Variants in TAFA4 observed in about 807,000 individuals in gnomAD.
The protein encoded by TAFA4 is TAFA chemokine like family member 4, also known as chemokine-like protein TAFA-4.
A neutral mutation model predicts 21.1 loss-of-function variants in TAFA4; 20 were observed. The ratio of observed to expected loss-of-function variants is 0.95; its 90% confidence interval spans 0.67 to 1.38. The LOEUF (loss-of-function observed/expected upper bound fraction) is 1.38, where lower values mean the gene tolerates loss of function less well. Ranked by LOEUF, TAFA4 falls within the 40% of genes most tolerant of loss-of-function variation. The pLI is 0.00. For missense variants in TAFA4, 211 were observed against 180.9 expected (o/e 1.17, Z -0.95); for synonymous variants, 71 against 67.4 (o/e 1.05, Z -0.26).
chr3:68,792,138 T>C (rs1322785706), intron 3 of TAFA4, among the ~76,000 whole-genome samples: 3 of 152,210 alleles, frequency 2.0e-5, no homozygotes, highest in Admixed American at 2.0e-4. Context: ...CTTTGCAAGC[T>C]CATTTCACTC....
chr3:68,860,516 G>A (rs2089322973), intron 3 of TAFA4, among the ~76,000 whole-genome samples: 1 of 152,110 alleles, frequency 6.6e-6, no homozygotes. Context: ...AACTATCTAA[G>A]TAGGATGTTG....
intron 3 of TAFA4, among the ~76,000 whole-genome samples, chr3:68,804,927 G>A (rs1703660686): frequency 6.6e-6 from 1 of 152,072 alleles, no homozygotes; most frequent in Admixed American, 6.5e-5. Flanking sequence ...CAAAAGCAAT[G>A]GCAACAAAAG....
At chr3:68,813,682 C>T (rs1703894333) in intron 3 of TAFA4, among the ~76,000 whole-genome samples, 1 of 152,034 alleles carries the variant, frequency 6.6e-6, no homozygotes, top group Non-Finnish European at 1.5e-5. Context: ...TAATAGCTTA[C>T]CAACCAAAAA....
At chr3:68,910,139 G>A (rs144611955) in intron 1 of TAFA4, among the ~76,000 whole-genome samples, 1 of 152,324 alleles carries the variant, frequency 6.6e-6, no homozygotes, top group African/African-American at 2.4e-5. Context: ...CAGCTAGCAA[G>A]GCAGAGTTTT....
chr3:68,817,404 G>T (rs1335403005), intron 3 of TAFA4, among the ~76,000 whole-genome samples: 1 of 152,034 alleles, frequency 6.6e-6, no homozygotes, highest in Non-Finnish European at 1.5e-5. Flanking sequence ...AGTCATCCAT[G>T]AGAGCTGGAA....
At chr3:68,879,573 T>C (rs942470592) in intron 3 of TAFA4, among the ~76,000 whole-genome samples, 9 of 152,202 alleles carry the variant, frequency 5.9e-5, no homozygotes, top group Non-Finnish European at 1.3e-4. Flanking sequence ...ACCAACTAGC[T>C]GTGGGCACTT....
intron 2 of TAFA4, among the ~76,000 whole-genome samples, chr3:68,881,765 A>G (rs2089621197): frequency 6.6e-6 from 1 of 152,194 alleles, no homozygotes; most frequent in South Asian, 2.1e-4. Context: ...TGGGCCGACA[A>G]TAAAAACATG....
chr3:68,771,396 G>C (rs1235868062), intron 3 of TAFA4, among the ~76,000 whole-genome samples: 1 of 152,190 alleles, frequency 6.6e-6, no homozygotes, highest in South Asian at 2.1e-4. Flanking sequence ...CCATGGGACT[G>C]GAGCCCAAAA....
intron 3 of TAFA4, among the ~76,000 whole-genome samples, chr3:68,843,643 G>T (rs1341895216): frequency 1.3e-5 from 2 of 152,222 alleles, no homozygotes; most frequent in African/African-American, 2.4e-5. Context: ...GCATGATATT[G>T]GCTGTGGGTC....
At chr3:68,866,610 G>C (rs1416152446) in intron 3 of TAFA4, among the ~76,000 whole-genome samples, 1 of 125,940 alleles carries the variant, frequency 7.9e-6, no homozygotes, top group East Asian at 2.8e-4. Context: ...ATGAGATGGT[G>C]ATGTGTGAGC....
At chr3:68,807,705 T>C (rs745447713) in intron 3 of TAFA4, among the ~76,000 whole-genome samples, 6 of 152,228 alleles carry the variant, frequency 3.9e-5, no homozygotes, top group Non-Finnish European at 7.3e-5. Flanking sequence ...AGTGCCATTA[T>C]GTCAATCCAG....
At chr3:68,895,873 G>A (rs763596827) in intron 1 of TAFA4, among the ~76,000 whole-genome samples, 7 of 152,190 alleles carry the variant, frequency 4.6e-5, no homozygotes, top group Non-Finnish European at 8.8e-5. Flanking sequence ...GAAAACAAAA[G>A]TGAACAATGT....
At chr3:68,746,264 T>G (rs1338345644) in intron 4 of TAFA4, among the ~76,000 whole-genome samples, 2 of 152,152 alleles carry the variant, frequency 1.3e-5, no homozygotes, top group African/African-American at 4.8e-5. Flanking sequence ...AGACAGCCAC[T>G]TGTGGGAATT....
chr3:68,753,026 G>T lies in TAFA4; in HGVS notation c.131-8C>A. 6.2e-7 allele frequency: 1 copy of T among 1,610,688 alleles called. No individual in the cohort carries two copies. Among genetic ancestry groups the T allele is most frequent in the Non-Finnish European group, 8.5e-7 (1 of 1,177,548 alleles). On this transcript the variant is annotated splice_polypyrimidine_tract_variant and splice_region_variant and intron_variant, in intron 3 of 5. Coordinates refer to ENST00000295569, the MANE Select transcript of TAFA4 (RefSeq NM_182522.5). ...GCTTGATTTGGTGGTGACCTAGTTGGTAATGGGGGAGAAAAACAAACCCAG... is the reference window on the plus strand; with the variant it reads ...GCTTGATTTGGTGGTGACCTAGTTGTTAATGGGGGAGAAAAACAAACCCAG...
intron 1 of TAFA4, among the ~76,000 whole-genome samples, chr3:68,923,639 T>C (rs1407276545): frequency 6.6e-6 from 1 of 152,102 alleles, no homozygotes; most frequent in Non-Finnish European, 1.5e-5. Context: ...TGTTATTATT[T>C]TGATAAAATA....
rs113254590 is a variant in TAFA4, at chr3:68,873,835, T to C, written c.130+6895A>G. The stretch of plus-strand genomic sequence containing the variant: ...ACTTTGGGGAAGAAGACACACCTCT[T>C]GACTCCTTTATGCACAACCAAGTTC... On this transcript the variant is annotated intron_variant, in intron 3 of 5. Coordinates refer to ENST00000295569, the MANE Select transcript of TAFA4 (RefSeq NM_182522.5). Among the ~76,000 whole-genome samples the C allele has an allele frequency of 5.5e-3, 844 of 152,278 alleles. 9 individuals carry two copies. Among genetic ancestry groups the C allele is most frequent in the African/African-American group, 0.019 (799 of 41,560 alleles).
intron 3 of TAFA4, among the ~76,000 whole-genome samples, chr3:68,835,702 G>A (rs1446619781): frequency 1.3e-5 from 2 of 152,220 alleles, no homozygotes; most frequent in Non-Finnish European, 2.9e-5. Flanking sequence ...GCTTACAGGT[G>A]ACATAATTAG....
intron 1 of TAFA4, among the ~76,000 whole-genome samples, chr3:68,904,741 G>A (rs549810474): frequency 2.0e-5 from 3 of 152,156 alleles, no homozygotes; most frequent in African/African-American, 7.2e-5. Flanking sequence ...CGAAGGACAG[G>A]AGGTGAGGCC....
At chr3:68,882,593 G>T (rs975880934) in intron 2 of TAFA4, among the ~76,000 whole-genome samples, 1 of 152,144 alleles carries the variant, frequency 6.6e-6, no homozygotes, top group African/African-American at 2.4e-5. Flanking sequence ...ATAAGCCTTT[G>T]TAACAAATAG....
Sources: gnomAD v4.1 joint callset for allele counts (sites outside exome capture counted in the v4.1 genomes callset) on GRCh38, gnomAD v4.1.1 for gene constraint, MANE v1.5 for transcripts, NCBI Gene and HGNC (gene_info 2026-07-23, HGNC 2026-07-21) for gene names.